The following SLIT2 variants were observed in gnomAD, a reference collection of about 807,000 sequenced individuals.
SLIT2 encodes the protein slit homolog 2 protein.
A neutral mutation model predicts 185.7 loss-of-function variants in SLIT2; 41 were observed. The observed-to-expected ratio is 0.22, with a 90% confidence interval of 0.17 to 0.29. The LOEUF is 0.29. SLIT2 is among the 10% of genes least tolerant of loss of function. The pLI is 1.00. For synonymous variants in SLIT2, 693 were observed against 680.2 expected (o/e 1.02, Z -0.29); for missense variants, 1,571 against 1,909.0 (o/e 0.82, Z 3.30).
At chr4:20,610,197 T>C in intron 34 of SLIT2, 30 bp downstream of exon 34, 1 of 1,591,756 alleles carries the variant, frequency 6.3e-7, no homozygotes, top group Non-Finnish European at 8.6e-7. Flanking sequence ...CAGGTGGTCC[T>C]GAAACCCTGT....
At chr4:20,281,682 G>A (rs942206728) in intron 4 of SLIT2, among the ~76,000 whole-genome samples, 1 of 152,126 alleles carries the variant, frequency 6.6e-6, no homozygotes, top group South Asian at 2.1e-4. Context: ...TATTACACAG[G>A]AACGTGAGGG....
intron 4 of SLIT2, among the ~76,000 whole-genome samples, chr4:20,426,817 C>A (rs1172440177): frequency 1.3e-5 from 2 of 152,194 alleles, no homozygotes; most frequent in African/African-American, 4.8e-5. Flanking sequence ...GGCTTATATT[C>A]TTTCATTTAA....
intron 4 of SLIT2, among the ~76,000 whole-genome samples, chr4:20,280,274 A>T (rs1714601399): frequency 6.7e-6 from 1 of 148,662 alleles, no homozygotes; most frequent in African/African-American, 2.5e-5. Context: ...CGGAGGTTGC[A>T]GTGAGCCGAG....
intron 16 of SLIT2, among the ~76,000 whole-genome samples, chr4:20,531,423 G>A (rs951214693): frequency 2.6e-5 from 4 of 152,180 alleles, no homozygotes; most frequent in South Asian, 2.1e-4. Context: ...AGGAAAATTA[G>A]TAAAAGCAAA....
chr4:20,277,873 C>G (rs918235033), intron 4 of SLIT2, among the ~76,000 whole-genome samples: 2 of 151,372 alleles, frequency 1.3e-5, no homozygotes, highest in African/African-American at 4.8e-5. Flanking sequence ...TCATAAAATG[C>G]TTTTATTTAC....
intron 4 of SLIT2, among the ~76,000 whole-genome samples, chr4:20,336,630 T>A (rs986505707): frequency 2.0e-5 from 3 of 152,060 alleles, no homozygotes; most frequent in Non-Finnish European, 4.4e-5. Context: ...TGTATACATA[T>A]GTAACAAACC....
intron 4 of SLIT2, among the ~76,000 whole-genome samples, chr4:20,418,086 A>G (rs916511055): frequency 1.2e-4 from 19 of 152,168 alleles, no homozygotes; most frequent in Non-Finnish European, 1.6e-4. Context: ...TAATGTTGGT[A>G]TGTAGTGGGG....
chr4:20,596,243 T>C (rs900848080), intron 31 of SLIT2, among the ~76,000 whole-genome samples, 172 bp from the exon 32 acceptor site: 3 of 152,204 alleles, frequency 2.0e-5, no homozygotes, highest in Non-Finnish European at 4.4e-5. Flanking sequence ...AAGTTTGGAA[T>C]ATCTGTTGTA....
At chr4:20,541,395 A>G (rs1243474006) in intron 19 of SLIT2, 58 bp from the exon 20 acceptor site, 1 of 1,488,420 alleles carries the variant, frequency 6.7e-7, no homozygotes, top group Non-Finnish European at 9.3e-7. Context: ...TGGGGTTTAG[A>G]GAAGGAAGAA....
intron 9 of SLIT2, among the ~76,000 whole-genome samples, chr4:20,495,132 A>G (rs1186667436): frequency 6.6e-6 from 1 of 152,186 alleles, no homozygotes; most frequent in Non-Finnish European, 1.5e-5. Context: ...TCAATGAGCC[A>G]CCTTTCAGAC....
rs757924272 is a variant in SLIT2 at position 20,252,024 on chromosome 4, G to A, written c.-1792G>A. Among the ~76,000 whole-genome samples, 7 of 152,268 alleles carry A rather than the reference G, an allele frequency of 4.6e-5. No homozygotes were observed. The highest frequency in any genetic ancestry group is 1.0e-4 in the Non-Finnish European group (7 of 67,986). ...CGGCGGCGGCGGCGGCGGCGGAGGC[G>A]GAGGCAGCTGCGAGGCATGGGAGCG... On this transcript the variant is annotated 5_prime_UTR_variant, in exon 1 of 37. Transcript: ENST00000504154.
intron 4 of SLIT2, among the ~76,000 whole-genome samples, chr4:20,463,870 T>A (rs1256272409): frequency 6.9e-6 from 1 of 145,958 alleles, no homozygotes; most frequent in South Asian, 2.2e-4. Flanking sequence ...GGCAAGACTT[T>A]GTCTCAAAAA....
chr4:20,346,201 G>A (rs1721397142), intron 4 of SLIT2, among the ~76,000 whole-genome samples: 1 of 152,054 alleles, frequency 6.6e-6, no homozygotes, highest in Admixed American at 6.6e-5. Flanking sequence ...TCCCTCTCTT[G>A]TCCAGGCTGG....
At chr4:20,465,206 A>G (rs550367758) in intron 4 of SLIT2, among the ~76,000 whole-genome samples, 19 of 152,328 alleles carry the variant, frequency 1.2e-4, no homozygotes, top group Non-Finnish European at 1.5e-4. Flanking sequence ...CTAAATATTT[A>G]CCTATGTTTT....
chr4:20,552,626 A>G (rs1723870470), intron 25 of SLIT2: 1 of 152,180 alleles, frequency 6.6e-6, no homozygotes, highest in African/African-American at 2.4e-5. Flanking sequence ...TGAATCTGAC[A>G]TACATATGCA....
chr4:20,324,134 A>G lies in SLIT2; in HGVS notation c.395+55253A>G, dbSNP rs1719338852. On this transcript the variant is annotated intron_variant, in intron 4 of 36. Transcript: ENST00000504154. ...TGCTGAAGGGTAAGGCTAGCCAGTC[A>G]TCACAGCACGAGCAAACCAGACTGA... Among the ~76,000 whole-genome samples, 3 of 152,316 alleles carry G rather than the reference A, an allele frequency of 2.0e-5. No homozygotes were observed. In the South Asian group the frequency reaches 6.2e-4, roughly 32 times the overall value.
intron 4 of SLIT2, among the ~76,000 whole-genome samples, chr4:20,295,999 C>T (rs1716439040): frequency 6.6e-6 from 1 of 152,190 alleles, no homozygotes; most frequent in Admixed American, 6.5e-5. Flanking sequence ...ATATTCAATC[C>T]AAGAAAATGT....
rs1391027960 is a variant in SLIT2, at chr4:20,472,459, T to C, written c.467+4636T>C. Among the ~76,000 whole-genome samples the C allele has an allele frequency of 3.5e-4, 21 of 60,840 alleles. 1 individual carries two copies. The highest frequency in any genetic ancestry group is 5.5e-4 in the Non-Finnish European group (19 of 34,744). The allele number at this position is 60,840 out of a possible 152,430, so 39.9% of individuals were successfully genotyped here. On this transcript the variant is annotated intron_variant, in intron 5 of 36. Coordinates refer to ENST00000504154, the MANE Select transcript of SLIT2 (RefSeq NM_004787.4). Reference sequence around the variant, plus strand: ...ATAGATATATATCTATATAGATATATCTATATCTATATATAGATATATATC... The same window carrying C: ...ATAGATATATATCTATATAGATATACCTATATCTATATATAGATATATATC...
At chr4:20,328,187 G>T (rs1030999110) in intron 4 of SLIT2, among the ~76,000 whole-genome samples, 5 of 152,040 alleles carry the variant, frequency 3.3e-5, no homozygotes, top group African/African-American at 1.2e-4. Flanking sequence ...GATTCAAATT[G>T]TAAGTAAATT....
Sources: allele counts gnomAD v4.1 joint callset (sites outside exome capture counted in the v4.1 genomes callset), GRCh38; gene constraint gnomAD v4.1.1; transcripts MANE v1.5; gene names NCBI Gene and HGNC (gene_info 2026-07-23, HGNC 2026-07-21).